Variants in HTR1F observed in about 807,000 individuals in gnomAD.
HTR1F encodes 5-hydroxytryptamine receptor 1F, also known as 5-hydroxytryptamine (serotonin) receptor 1F, G protein-coupled.
HTR1F carries 17 observed loss-of-function variants against 24.0 expected under a neutral mutation model. The observed-to-expected ratio is 0.71, with a 90% CI of 0.48 to 1.06. The LOEUF is 1.06. Among genes scored for constraint, HTR1F ranks in the 50% least tolerant of loss-of-function variants. HTR1F has a pLI of 0.00. For missense variants in HTR1F, 391 were observed against 427.8 expected (o/e 0.91, Z 0.76); for synonymous variants, 186 against 156.8 (o/e 1.19, Z -1.39).
At chr3:87,850,420 A>G (rs561076267) in intron 2 of HTR1F, among the ~76,000 whole-genome samples, 1 of 151,606 alleles carries the variant, frequency 6.6e-6, no homozygotes, top group African/African-American at 2.4e-5. Flanking sequence ...AGAACACATG[A>G]ACACAGGAAG....
At chr3:87,955,199 T>C (rs4858967) in intron 2 of HTR1F, among the ~76,000 whole-genome samples, 38 of 151,682 alleles carry the variant, frequency 2.5e-4, no homozygotes, top group African/African-American at 8.9e-4. Flanking sequence ...TCAGGTTTTT[T>C]TGCAGTCCTT....
chr3:87,886,904 G>A (rs1431602597), intron 2 of HTR1F, among the ~76,000 whole-genome samples: 2 of 152,206 alleles, frequency 1.3e-5, no homozygotes, highest in East Asian at 3.9e-4. Context: ...TACTGCCCAA[G>A]GTAATTTATA....
chr3:87,799,724 T>C (rs1703963121), intron 1 of HTR1F, among the ~76,000 whole-genome samples: 1 of 152,220 alleles, frequency 6.6e-6, no homozygotes, highest in Non-Finnish European at 1.5e-5. Flanking sequence ...AGTAGTCCCC[T>C]GAGTAGCACC....
chr3:87,824,783 A>G (rs1304415473), intron 2 of HTR1F, among the ~76,000 whole-genome samples: 1 of 152,228 alleles, frequency 6.6e-6, no homozygotes, highest in Non-Finnish European at 1.5e-5. Flanking sequence ...GACTTCAAAG[A>G]GTCAAAAATT....
chr3:87,876,499 C>T (rs1460855194), intron 2 of HTR1F, among the ~76,000 whole-genome samples: 1 of 152,164 alleles, frequency 6.6e-6, no homozygotes, highest in Non-Finnish European at 1.5e-5. Context: ...CGTTATACTT[C>T]ATTATAGGTG....
intron 2 of HTR1F, among the ~76,000 whole-genome samples, chr3:87,928,889 G>A (rs1158872656): frequency 6.6e-6 from 1 of 152,134 alleles, no homozygotes; most frequent in African/African-American, 2.4e-5. Context: ...TACCAAGAAA[G>A]CCATCAGTGA....
intron 2 of HTR1F, among the ~76,000 whole-genome samples, chr3:87,958,982 G>T (rs1705004249): frequency 6.6e-6 from 1 of 151,584 alleles, no homozygotes. Context: ...ACTGACTAAT[G>T]AATATTTTAT....
intron 1 of HTR1F, among the ~76,000 whole-genome samples, chr3:87,806,640 A>G (rs987196747): frequency 1.3e-5 from 2 of 151,970 alleles, no homozygotes; most frequent in African/African-American, 4.8e-5. Context: ...CTTTGCTGTG[A>G]AGAAGAGTTT....
chr3:87,850,349 A>T (rs1227017538), intron 2 of HTR1F, among the ~76,000 whole-genome samples: 1 of 151,914 alleles, frequency 6.6e-6, no homozygotes, highest in African/African-American at 2.4e-5. Flanking sequence ...TCAGCAAACT[A>T]TCGCAAGGAC....
intron 2 of HTR1F, among the ~76,000 whole-genome samples, chr3:87,988,608 G>C (rs2107524263): frequency 6.6e-6 from 1 of 152,268 alleles, no homozygotes; most frequent in East Asian, 1.9e-4. Context: ...GTTTGAGATG[G>C]TGTATCGCTC....
intron 1 of HTR1F, among the ~76,000 whole-genome samples, chr3:87,802,652 T>C (rs2107072163): frequency 6.6e-6 from 1 of 152,222 alleles, no homozygotes. Flanking sequence ...CCTGGCTTGA[T>C]TTTGTTTTCT....
rs552797894 is a variant in HTR1F, at chr3:87,920,568, T to G, written c.-42-70140T>G. Among the ~76,000 whole-genome samples, 3 of 152,106 alleles carry G rather than the reference T, an allele frequency of 2.0e-5. No homozygotes were observed. In the South Asian group the frequency reaches 6.2e-4, roughly 32 times the overall value. Reference sequence around the variant, plus strand: ...ACACGTAAAACAGTAAGGTAGCTTTTGAGGGGAGTAGTTATTGGAAAGGAA... The same window carrying G: ...ACACGTAAAACAGTAAGGTAGCTTTGGAGGGGAGTAGTTATTGGAAAGGAA... On this transcript the variant is annotated intron_variant, in intron 2 of 2. Transcript: ENST00000319595.
intron 2 of HTR1F, among the ~76,000 whole-genome samples, chr3:87,892,022 T>C (rs1468895192): frequency 6.6e-6 from 1 of 152,152 alleles, no homozygotes; most frequent in Non-Finnish European, 1.5e-5. Flanking sequence ...TCCCTGGATC[T>C]TGCAGAAACC....
chr3:87,909,010 A>G (rs1304170785), intron 2 of HTR1F, among the ~76,000 whole-genome samples: 1 of 152,068 alleles, frequency 6.6e-6, no homozygotes. Flanking sequence ...ATGTTCTTAA[A>G]TATCCAGTTC....
At chr3:87,915,885 A>T (rs1014901806) in intron 2 of HTR1F, among the ~76,000 whole-genome samples, 1 of 152,170 alleles carries the variant, frequency 6.6e-6, no homozygotes, top group East Asian at 1.9e-4. Context: ...CAAAAATATT[A>T]TCACCTAGCC....
chr3:87,931,040 T>TG (rs1704253932), intron 2 of HTR1F, among the ~76,000 whole-genome samples: 1 of 86,648 alleles, frequency 1.2e-5, no homozygotes, highest in Non-Finnish European at 2.4e-5. Flanking sequence ...TTTTTTTTTT[T>TG]TTTTTTACTT....
At chr3:87,897,519 G>A (rs1157296900) in intron 2 of HTR1F, among the ~76,000 whole-genome samples, 1 of 152,042 alleles carries the variant, frequency 6.6e-6, no homozygotes, top group African/African-American at 2.4e-5. Flanking sequence ...AATGGATATA[G>A]TGATCCATGA....
rs1705843983 is a variant in HTR1F, at chr3:87,991,860, T to G, written c.*10T>G. ...GCGATGTCGATGTTAGTTTTAAAAA[T>G]GTTTATTATTGAAGGATGGGGGTTT... On this transcript the variant is annotated 3_prime_UTR_variant, in exon 3 of 3. Coordinates refer to ENST00000319595, the MANE Select transcript of HTR1F (RefSeq NM_001322209.2). 6.5e-7 allele frequency: 1 copy of G among 1,542,202 alleles called. No individual in the cohort carries two copies. The highest frequency in any genetic ancestry group is 8.7e-7 in the Non-Finnish European group (1 of 1,147,070).
At chr3:87,794,703 T>G (rs893414593) in intron 1 of HTR1F, among the ~76,000 whole-genome samples, 3 of 152,188 alleles carry the variant, frequency 2.0e-5, no homozygotes, top group African/African-American at 7.2e-5. Context: ...TTTGTTGGAA[T>G]GAGGACTTTA....
Sources: allele counts gnomAD v4.1 joint callset (sites outside exome capture counted in the v4.1 genomes callset), GRCh38; gene constraint gnomAD v4.1.1; transcripts MANE v1.5; gene names NCBI Gene and HGNC (gene_info 2026-07-23, HGNC 2026-07-21).